Variants in ITGA6 observed in about 807,000 individuals in gnomAD.
The protein encoded by ITGA6 is integrin subunit alpha 6.
ITGA6 carries 63 observed loss-of-function variants against 133.6 expected under a neutral mutation model. That is an observed-to-expected ratio of 0.47 (90% confidence interval 0.38 to 0.58). The LOEUF (loss-of-function observed/expected upper bound fraction) is 0.58, where lower values mean the gene tolerates loss of function less well. Ranked by LOEUF, ITGA6 falls within the 20% of genes least tolerant of loss-of-function variation. ITGA6 has a pLI of 0.00. For missense variants in ITGA6, 1,068 were observed against 1,309.4 expected (o/e 0.82, Z 2.85); for synonymous variants, 434 against 482.0 (o/e 0.90, Z 1.30).
In ITGA6 at chr2:172,469,214, G is replaced by T; in HGVS notation, c.477G>T (p.Gln159His). 2 of 1,614,126 alleles carry T rather than the reference G, an allele frequency of 1.2e-6. No homozygotes were observed. Among genetic ancestry groups the T allele is most frequent in the African/African-American group, 2.7e-5 (2 of 75,056 alleles). Residue 159 changes from glutamine (Q) to histidine (H), a missense_variant, in exon 4 of 26, where the codon CAG (glutamine) becomes CAT (histidine). By Grantham distance (24) the Gln-to-His change is conservative. Coordinates refer to ENST00000684293, the MANE Select transcript of ITGA6 (RefSeq NM_000210.4). ...DIFGRCYVLS[Q>H]NLRIEDDMDG... The stretch of plus-strand genomic sequence containing the variant: ...TTGGGCGGTGTTATGTCCTGAGTCA[G>T]AATCTCAGGATTGAAGACGATATGG...
rs570513719 is a variant in ITGA6 at position 172,427,612 on chromosome 2, T to A, written c.-177T>A. The stretch of plus-strand genomic sequence containing the variant: ...ACGGGCTCATTCAGCGGTCGCGAGC[T>A]GCCCGCGAGGGGGAGCGGCCGGACG... On this transcript the variant is annotated 5_prime_UTR_variant, in exon 1 of 26. Transcript: ENST00000684293. The A allele has an allele frequency of 2.3e-6, 3 of 1,277,448 alleles. No individual in the cohort carries two copies. The highest frequency in any genetic ancestry group is 3.0e-6 in the Non-Finnish European group (3 of 1,015,506). 79.1% of individuals were successfully genotyped at this position (1,277,448 alleles called of 1,614,324 possible).
chr2:172,436,853 CA>C (rs1477651421), intron 1 of ITGA6, among the ~76,000 whole-genome samples: 6 of 152,050 alleles, frequency 3.9e-5, no homozygotes, highest in African/African-American at 1.4e-4. Flanking sequence ...AAACCATAAA[CA>C]AAAAGGTGTA....
chr2:172,456,425 C>T (rs1444732626), intron 1 of ITGA6, among the ~76,000 whole-genome samples: 1 of 152,244 alleles, frequency 6.6e-6, no homozygotes, highest in Non-Finnish European at 1.5e-5. Context: ...GTTTCTTTGC[C>T]AGCTTTCTAT....
chr2:172,500,470 T>C (rs1241128853), intron 24 of ITGA6, among the ~76,000 whole-genome samples: 1 of 151,992 alleles, frequency 6.6e-6, no homozygotes, highest in Admixed American at 6.6e-5. Flanking sequence ...GTCTACTAAA[T>C]ATACAAAAAA....
At position 172,476,525 on chromosome 2, in the gene ITGA6, A is replaced by G. The variant is rs774972312; in HGVS notation, c.1388+12A>G. The G allele has an allele frequency of 2.0e-5, 29 of 1,418,942 alleles. No homozygotes were observed. The highest frequency in any genetic ancestry group is 4.6e-5 in the East Asian group (2 of 43,902). 87.9% of individuals were successfully genotyped at this position (1,418,942 alleles called of 1,614,324 possible). On this transcript the variant is annotated intron_variant, in intron 9 of 25. Transcript: ENST00000684293. ...GTAACTATTTTCAGGTCTGTTATCTATGATTTTAGTGTTAAGCATGTTCTA... is the reference window on the plus strand; with the variant it reads ...GTAACTATTTTCAGGTCTGTTATCTGTGATTTTAGTGTTAAGCATGTTCTA...
intron 5 of ITGA6, chr2:172,472,843 G>A (rs780230416): frequency 2.8e-5 from 45 of 1,612,080 alleles, no homozygotes; most frequent in African/African-American, 4.0e-5. Context: ...CGGCCTCCCC[G>A]GGAGCAGCCT....
Position 172,479,729 on chromosome 2 carries a change from A to C in ITGA6, c.1477A>C (p.Ser493Arg). Residue 493 changes from serine (S) to arginine (R), a missense_variant, in exon 10 of 26, where the codon AGT (serine) becomes CGT (arginine). Physicochemically the swap from Ser to Arg is moderately radical, Grantham distance 110. This residue lies in a region of ITGA6 where 609 missense variants were observed against 707.2 expected (regional missense o/e 0.86). Coordinates refer to ENST00000684293, the MANE Select transcript of ITGA6 (RefSeq NM_000210.4). ...LRQKTACGAP[S>R]GICLQVKSCF... ...CCAGAAAACAGCGTGTGGGGCGCCT[A>C]GTGGGATATGGTGAGCATCCCTCTG... The C allele has an allele frequency of 6.2e-7, 1 of 1,613,580 alleles. No individual in the cohort carries two copies. The highest frequency in any genetic ancestry group is 8.5e-7 in the Non-Finnish European group (1 of 1,179,762).
intron 1 of ITGA6, among the ~76,000 whole-genome samples, chr2:172,448,414 C>A (rs1387570344): frequency 3.9e-5 from 6 of 152,042 alleles, no homozygotes; most frequent in Admixed American, 3.9e-4. Flanking sequence ...GCTGTGTGAC[C>A]TTGGACAAGT....
chr2:172,462,198 C>G (rs933634506), intron 1 of ITGA6, among the ~76,000 whole-genome samples: 1 of 152,114 alleles, frequency 6.6e-6, no homozygotes. Flanking sequence ...CCCAGGAGAC[C>G]GGGCGCAACT....
intron 1 of ITGA6, 26 bp downstream of exon 1, chr2:172,427,996 C>T (rs375279228): frequency 8.8e-6 from 14 of 1,588,512 alleles, no homozygotes; most frequent in South Asian, 1.1e-5. Context: ...CTTCCCACCC[C>T]CACTGGGGCG....
At chr2:172,441,618 C>A (rs554371826) in intron 1 of ITGA6, among the ~76,000 whole-genome samples, 9 of 125,784 alleles carry the variant, frequency 7.2e-5, no homozygotes, top group Non-Finnish European at 1.3e-4. Context: ...GCATAAGACA[C>A]AGGTGTTTTC....
rs1308717863 is a variant in ITGA6, at chr2:172,465,639, A to G, written c.283A>G (p.Thr95Ala). Residue 95 changes from threonine to alanine, a missense_variant, in exon 2 of 26, where the codon ACG (threonine) becomes GCG (alanine). By Grantham distance (58) the Thr-to-Ala change is moderately conservative. This residue lies in a region of ITGA6 where 142 missense variants were observed against 145.3 expected (regional missense o/e 0.98). Transcript: ENST00000684293. Reference sequence around the variant, plus strand: ...CGACATCACCGCCCGGGGGCCATGCACGCGGATCGAGTTTGATAACGATGG... The same window carrying G: ...CGACATCACCGCCCGGGGGCCATGCGCGCGGATCGAGTTTGATAACGATGG... ...SCDITARGPC[T>A]RIEFDNDADP... 4 of 1,614,214 alleles carry G rather than the reference A, an allele frequency of 2.5e-6. No homozygotes were observed. Among genetic ancestry groups the G allele is most frequent in the Non-Finnish European group, 8.5e-7 (1 of 1,180,032 alleles).
At chr2:172,470,056 G>A (rs1685853247) in intron 4 of ITGA6, among the ~76,000 whole-genome samples, 1 of 152,198 alleles carries the variant, frequency 6.6e-6, no homozygotes, top group Admixed American at 6.5e-5. Context: ...CCATGATGAA[G>A]AGAACTGCAT....
intron 7 of ITGA6, 143 bp downstream of exon 7, chr2:172,475,265 C>A (rs890912952): frequency 1.3e-4 from 88 of 679,200 alleles, no homozygotes; most frequent in Non-Finnish European, 1.3e-4. Context: ...GTCGGGAGTT[C>A]GAGACCAGCC....
intron 9 of ITGA6, 47 bp downstream of exon 9, chr2:172,476,560 T>G (rs2149050736): frequency 2.8e-5 from 31 of 1,119,250 alleles, no homozygotes; most frequent in Non-Finnish European, 3.7e-5. Context: ...ATAATCAGGT[T>G]ATACTAAAAT....
intron 1 of ITGA6, among the ~76,000 whole-genome samples, chr2:172,437,142 C>A (rs1044639011): frequency 1.3e-5 from 2 of 152,184 alleles, no homozygotes; most frequent in African/African-American, 2.4e-5. Context: ...TATGGATCAT[C>A]GAATGACTGG....
chr2:172,503,218 T>C (rs1006138369), intron 25 of ITGA6, among the ~76,000 whole-genome samples: 2 of 152,038 alleles, frequency 1.3e-5, no homozygotes, highest in African/African-American at 4.8e-5. Flanking sequence ...CACCTTTTTT[T>C]AAAAAAAGTA....
At chr2:172,486,744 G>T (rs555821346) in intron 13 of ITGA6, among the ~76,000 whole-genome samples, 9 of 152,260 alleles carry the variant, frequency 5.9e-5, no homozygotes, top group African/African-American at 2.2e-4. Context: ...GCTAAGTAAG[G>T]GGTAGAGCTG....
chr2:172,444,743 CT>C (rs1280519031), intron 1 of ITGA6, among the ~76,000 whole-genome samples: 2 of 138,406 alleles, frequency 1.4e-5, no homozygotes, highest in Admixed American at 7.2e-5. Context: ...AGGAACCCCC[CT>C]AATCGCCACG....
Sources: allele counts gnomAD v4.1 joint callset (sites outside exome capture counted in the v4.1 genomes callset), GRCh38; gene constraint gnomAD v4.1.1; regional missense constraint gnomAD v4.1.1; transcripts MANE v1.5; gene names NCBI Gene and HGNC (gene_info 2026-07-23, HGNC 2026-07-21).